The following SLC47A2 variants were observed in gnomAD, a reference collection of about 807,000 sequenced individuals.
SLC47A2 encodes the protein multidrug and toxin extrusion protein 2.
Under a neutral mutation model 67.7 loss-of-function variants are expected in SLC47A2, and 52 were observed. The ratio of observed to expected loss-of-function variants is 0.77; its 90% CI spans 0.61 to 0.97. The LOEUF is 0.97. Ranked by LOEUF, SLC47A2 falls within the 50% of genes least tolerant of loss-of-function variation. The pLI, the probability that SLC47A2 is intolerant of heterozygous loss-of-function variation, is 0.00. For synonymous variants in SLC47A2, 278 were observed against 292.9 expected, an observed-to-expected ratio of 0.95 and a Z score of 0.52; for missense variants, 676 against 712.3, an observed-to-expected ratio of 0.95 and a Z score of 0.58.
chr17:19,706,901 A>C (rs534322718), intron 8 of SLC47A2, 140 bp from the exon 9 acceptor site: 1 of 618,108 alleles, frequency 1.6e-6, no homozygotes, highest in Non-Finnish European at 2.8e-6. Context: ...GGCATTTTGC[A>C]GAGGGAATGC....
rs116936141 is a variant in SLC47A2, at chr17:19,704,787, G to A, written c.910-609C>T. ...TCACCCAGCTCTGGCCGACTGCAGT[G>A]TGCAGGAATGTGGCCTGCTGCTCGA... On this transcript the variant is annotated intron_variant, in intron 10 of 16. Coordinates refer to ENST00000433844, the MANE Select transcript of SLC47A2 (RefSeq NM_001099646.3). 2.1e-3 allele frequency: 2,083 copies of A among 980,110 alleles called. 47 individuals carry two copies. The East Asian group carries it at 0.043, about 20-fold the overall frequency. 60.7% of individuals were successfully genotyped at this position (980,110 alleles called of 1,614,324 possible).
intron 13 of SLC47A2, among the ~76,000 whole-genome samples, chr17:19,688,838 G>C (rs185879340): frequency 2.7e-5 from 4 of 150,560 alleles, no homozygotes; most frequent in Non-Finnish European, 4.4e-5. Context: ...GATTACAGGC[G>C]TGAGTCACTG....
Position 19,713,991 on chromosome 17 carries a change from C to T in SLC47A2, c.295-18G>A. 8.1e-6 allele frequency: 13 copies of T among 1,605,996 alleles called. No individual in the cohort carries two copies. The highest frequency in any genetic ancestry group is 1.1e-5 in the Non-Finnish European group (13 of 1,174,680). ...CCGAAGCTCTGCAAAACAGCCCGCC[C>T]CGCGTCAGCCGTTTCCACTGCCCGG... On this transcript the variant is annotated intron_variant, in intron 3 of 16. Transcript: ENST00000433844.
chr17:19,708,895 C>T (rs1440026665), intron 5 of SLC47A2, 135 bp from the exon 6 acceptor site: 1 of 1,161,326 alleles, frequency 8.6e-7, no homozygotes, highest in Admixed American at 2.1e-5. Flanking sequence ...TCTGGGACCT[C>T]TCAGGTGCGG....
intron 13 of SLC47A2, among the ~76,000 whole-genome samples, chr17:19,699,736 C>T (rs1227010655): frequency 6.6e-6 from 1 of 152,088 alleles, no homozygotes; most frequent in Non-Finnish European, 1.5e-5. Flanking sequence ...TCTTAAAAAG[C>T]TAAAAATAAA....
At chr17:19,684,323 C>T (rs1218424774) in intron 13 of SLC47A2, among the ~76,000 whole-genome samples, 10 of 152,104 alleles carry the variant, frequency 6.6e-5, no homozygotes, top group Admixed American at 6.5e-4. Context: ...AAATGCACTT[C>T]TAAACCATAA....
intron 13 of SLC47A2, among the ~76,000 whole-genome samples, chr17:19,683,906 A>G (rs1010286165): frequency 1.3e-5 from 2 of 152,148 alleles, no homozygotes; most frequent in Admixed American, 1.3e-4. Context: ...AACAAGGGGG[A>G]AAAAACTGAG....
chr17:19,696,362 T>G (rs1333965480), intron 13 of SLC47A2, among the ~76,000 whole-genome samples: 2 of 149,644 alleles, frequency 1.3e-5, no homozygotes, highest in Admixed American at 1.3e-4. Flanking sequence ...CTTGGGAGGC[T>G]GAGGCAGGAG....
At chr17:19,708,195 A>C (rs2085996273) in intron 7 of SLC47A2, 107 bp downstream of exon 7, 1 of 1,290,958 alleles carries the variant, frequency 7.7e-7, no homozygotes, top group East Asian at 2.4e-5. Context: ...CCTCCACTTC[A>C]GGACGGCACA....
chr17:19,680,128 A>G (rs1475547019), intron 15 of SLC47A2, 89 bp from the exon 16 acceptor site: 3 of 1,288,700 alleles, frequency 2.3e-6, no homozygotes, highest in African/African-American at 1.5e-5. Context: ...TTTTTAAAAC[A>G]TTGCAAGCTG....
rs1037764897 is a variant in SLC47A2, at chr17:19,678,506, T to C, written c.*180A>G. The C allele has an allele frequency of 9.0e-4, 567 of 629,172 alleles. 3 individuals carry two copies. Among genetic ancestry groups the C allele is most frequent in the Non-Finnish European group, 1.2e-3 (443 of 360,240 alleles). The allele number at this position is 629,172 out of a possible 1,614,324, so 39.0% of individuals were successfully genotyped here. ...CTCCAGCTTGACCAGAACAGAATTG[T>C]CAAGTCTGTTCAGACCCCTCTGAGT... On this transcript the variant is annotated 3_prime_UTR_variant, in exon 17 of 17. Coordinates refer to ENST00000433844, the MANE Select transcript of SLC47A2 (RefSeq NM_001099646.3).
rs2085316878 is a variant in SLC47A2 at position 19,681,624 on chromosome 17, C to T, written c.1211G>A (p.Gly404Asp). 5 of 1,613,982 alleles carry T rather than the reference C, an allele frequency of 3.1e-6. No homozygotes were observed. The change falls in exon 14 of 17, where the codon GGT (glycine) becomes GAT (aspartate). Residue 404 changes from glycine to aspartate, a missense_variant. By Grantham distance (94) the Gly-to-Asp change is moderately conservative (BLOSUM62 -1). Transcript: ENST00000433844. ...ATATGTGATGGCATTCACAGCGGCA[C>T]CAAAGGCCTGCTTCCCAGTTCCTCT... ...VLRGTGKQAF[G>D]AAVNAITYYI...
intron 15 of SLC47A2, 118 bp downstream of exon 15, chr17:19,681,249 T>C: frequency 1.3e-6 from 1 of 790,072 alleles, no homozygotes; most frequent in Non-Finnish European, 2.0e-6. Context: ...CACCTGCAGC[T>C]TATACCACAC....
intron 13 of SLC47A2, among the ~76,000 whole-genome samples, chr17:19,698,728 C>T (rs981397441): frequency 3.3e-5 from 5 of 152,160 alleles, no homozygotes; most frequent in African/African-American, 1.2e-4. Context: ...ATAAAATGTG[C>T]TGTCTTAAAT....
At position 19,709,141 on chromosome 17, in the gene SLC47A2, C is replaced by T. The variant is rs190134656; in HGVS notation, c.487-381G>A. Among the ~76,000 whole-genome samples the T allele has an allele frequency of 2.0e-3, 301 of 152,360 alleles. 1 individual carries two copies. The highest frequency in any genetic ancestry group is 7.0e-3 in the African/African-American group (290 of 41,580). On this transcript the variant is annotated intron_variant, in intron 5 of 16. Coordinates refer to ENST00000433844, the MANE Select transcript of SLC47A2 (RefSeq NM_001099646.3). ...CCAAGGACCTGTTCACAGAAGGGCCCACTTTGGTTCTGGCCTTAGAGACAG... is the reference window on the plus strand; with the variant it reads ...CCAAGGACCTGTTCACAGAAGGGCCTACTTTGGTTCTGGCCTTAGAGACAG...
chr17:19,681,835 C>T (rs561814413), intron 13 of SLC47A2, among the ~76,000 whole-genome samples, 165 bp from the exon 14 acceptor site: 2 of 152,252 alleles, frequency 1.3e-5, no homozygotes, highest in South Asian at 4.1e-4. Flanking sequence ...GGTGGCTGTC[C>T]AAGACAGGTC....
At chr17:19,705,530 G>A (rs370603813) in intron 9 of SLC47A2, 27 bp from the exon 10 acceptor site, 103 of 1,601,274 alleles carry the variant, frequency 6.4e-5, no homozygotes, top group Non-Finnish European at 7.8e-5. Flanking sequence ...CCGTGAGTCC[G>A]GCCCGCAGCC....
Position 19,704,822 on chromosome 17 carries a change from C to CTTTTTT in SLC47A2, c.909+608_909+613dup, listed in dbSNP as rs6146013. The CTTTTTT allele has an allele frequency of 2.6e-5, 7 of 274,230 alleles. No homozygotes were observed. In the South Asian group the frequency reaches 2.7e-4, roughly 10 times the overall value. The allele number at this position is 274,230 out of a possible 1,614,324, so 17.0% of individuals were successfully genotyped here. On this transcript the variant is annotated intron_variant, in intron 10 of 16. Coordinates refer to ENST00000433844, the MANE Select transcript of SLC47A2 (RefSeq NM_001099646.3). ...GTGGCCTGCTGCTCGATGGAATGTG[C>CTTTTTT]TTTTTTTTTTTTTTTTTTTTTGAGA...
At chr17:19,697,498 A>G (rs1186868769) in intron 13 of SLC47A2, among the ~76,000 whole-genome samples, 1 of 152,208 alleles carries the variant, frequency 6.6e-6, no homozygotes, top group East Asian at 1.9e-4. Context: ...TAAACATATG[A>G]ACTTCGGAGG....
Sources: allele counts gnomAD v4.1 joint callset (sites outside exome capture counted in the v4.1 genomes callset), GRCh38; gene constraint gnomAD v4.1.1; transcripts MANE v1.5; gene names NCBI Gene and HGNC (gene_info 2026-07-23, HGNC 2026-07-21).